FMO5: variants seen among roughly 807,000 people sequenced by gnomAD.
FMO5 encodes flavin containing dimethylaniline monoxygenase 5, also known as flavin-containing monooxygenase 5.
FMO5 carries 51 observed loss-of-function variants against 43.6 expected under a neutral mutation model. The observed-to-expected ratio is 1.17, with a 90% CI of 0.93 to 1.48. FMO5 has a LOEUF of 1.48. Ranked by LOEUF, FMO5 falls within the 40% of genes most tolerant of loss-of-function variation. The pLI is 0.00. For missense variants in FMO5, 644 were observed against 643.0 expected (o/e 1.00, Z -0.02); for synonymous variants, 187 against 216.5 (o/e 0.86, Z 1.20).
At chr1:147,225,752 G>A (rs1435446201), upstream of FMO5, 1 of 152,226 alleles carries the variant, frequency 6.6e-6, no homozygotes, top group Non-Finnish European at 1.5e-5. Context: ...TGTTCAAACA[G>A]ATTGTAGCAG....
intron 5 of FMO5, 123 bp from the exon 6 acceptor site, chr1:147,209,174 C>G: frequency 2.9e-6 from 2 of 685,110 alleles, no homozygotes; most frequent in South Asian, 3.7e-5. Context: ...AATCCCAGCA[C>G]TTTGGGAGGC....
chr1:147,220,377 G>T (rs1360055126), intron 2 of FMO5, among the ~76,000 whole-genome samples: 1 of 152,130 alleles, frequency 6.6e-6, no homozygotes, highest in East Asian at 1.9e-4. Flanking sequence ...TTTCCAACTT[G>T]ACCTATAGAT....
chr1:147,191,850 G>C (rs1419432813), intron 7 of FMO5, among the ~76,000 whole-genome samples: 3 of 152,014 alleles, frequency 2.0e-5, no homozygotes, highest in African/African-American at 7.3e-5. Flanking sequence ...TGAGGGCTCT[G>C]TCCTGTTCCA....
chr1:147,190,273 A>C (rs2101710508), intron 7 of FMO5, 24 bp from the exon 8 acceptor site: 1 of 1,424,724 alleles, frequency 7.0e-7, no homozygotes, highest in East Asian at 2.3e-5. Context: ...TTAACATTTT[A>C]ACTGTAAAAT....
At chr1:147,221,768 C>T (rs587626470) in intron 2 of FMO5, among the ~76,000 whole-genome samples, 1 of 152,244 alleles carries the variant, frequency 6.6e-6, no homozygotes, top group South Asian at 2.1e-4. Flanking sequence ...TGAGGTACTC[C>T]TATATTTCAA....
At chr1:147,201,886 G>A (rs115062936) in intron 6 of FMO5, among the ~76,000 whole-genome samples, 278 of 152,306 alleles carry the variant, frequency 1.8e-3, no homozygotes, top group African/African-American at 5.8e-3. Context: ...CTCATTTCCA[G>A]TTTCAAAGGC....
intron 4 of FMO5, 76 bp downstream of exon 4, chr1:147,213,232 A>G (rs587721179): frequency 1.6e-6 from 2 of 1,229,612 alleles, no homozygotes; most frequent in East Asian, 5.1e-5. Flanking sequence ...AATTACTCAG[A>G]CCACAATCCT....
At position 147,206,524 on chromosome 1, in the gene FMO5, C is replaced by A. The variant is rs1660078216; in HGVS notation, c.830+2328G>T. ...ACTTGGAACCAACCCAAATGTCCAA[C>A]AATGATAGACTGGATTAAGAAAATG... On this transcript the variant is annotated intron_variant, in intron 6 of 8. Coordinates refer to ENST00000254090, the MANE Select transcript of FMO5 (RefSeq NM_001461.4). 2.0e-5 allele frequency among the ~76,000 whole-genome samples: 3 copies of A among 152,104 alleles called. No homozygotes were observed. The South Asian group carries it at 6.2e-4, about 32-fold the overall frequency.
At chr1:147,202,167 C>CT (rs1221837361) in intron 6 of FMO5, among the ~76,000 whole-genome samples, 1 of 151,718 alleles carries the variant, frequency 6.6e-6, no homozygotes, top group South Asian at 2.1e-4. Flanking sequence ...ATACTTCGGG[C>CT]TTGTTATTGT....
At chr1:147,203,452 G>A (rs880003266) in intron 6 of FMO5, 19 of 833,610 alleles carry the variant, frequency 2.3e-5, no homozygotes, top group African/African-American at 6.6e-5. Context: ...CAACATGTCC[G>A]TTACAGCAGG....
At position 147,187,159 on chromosome 1, in the gene FMO5, T is replaced by C. The variant is rs782306324; in HGVS notation, c.1343A>G (p.Asn448Ser). 3.7e-6 allele frequency: 6 copies of C among 1,614,000 alleles called. No individual in the cohort carries two copies. The highest frequency in any genetic ancestry group is 3.3e-5 in the South Asian group (3 of 91,088). The change falls in exon 9 of 9, where the codon AAT (asparagine) becomes AGT (serine). Residue 448 changes from asparagine to serine, a missense_variant. Transcript: ENST00000254090. ...GTCAGTGAAGGCCAGAGACAGCAGA[T>C]TGGGCCTGACCCCCACCAAATCAGC... is the stretch of plus-strand genomic sequence containing the variant. ...ELADLVGVRP[N>S]LLSLAFTDPK...
chr1:147,216,342 A>C (rs1553925075), intron 2 of FMO5, among the ~76,000 whole-genome samples: 2 of 152,208 alleles, frequency 1.3e-5, no homozygotes, highest in African/African-American at 2.4e-5. Flanking sequence ...GCCAGTCCCC[A>C]AAAATTCTAC....
chr1:147,226,107 C>CTTTT (rs3028896), upstream of FMO5, among the ~76,000 whole-genome samples: 225 of 147,868 alleles, frequency 1.5e-3, no homozygotes, highest in Middle Eastern at 3.6e-3. Flanking sequence ...ATTTATCTTA[C>CTTTT]TTTTTTTTTT....
intron 6 of FMO5, chr1:147,203,826 C>T (rs1659485233): frequency 6.4e-7 from 1 of 1,560,228 alleles, no homozygotes; most frequent in African/African-American, 1.4e-5. Flanking sequence ...GAAATGATGC[C>T]ATCTTCCTTT....
At chr1:147,198,828 G>C (rs1463869921) in intron 7 of FMO5, among the ~76,000 whole-genome samples, 3 of 139,358 alleles carry the variant, frequency 2.2e-5, no homozygotes, top group Non-Finnish European at 4.5e-5. Context: ...TCCAGCCTGG[G>C]CGACAGAGCG....
intron 6 of FMO5, among the ~76,000 whole-genome samples, chr1:147,202,000 C>G (rs1659055907): frequency 1.3e-5 from 2 of 152,156 alleles, no homozygotes; most frequent in South Asian, 4.1e-4. Flanking sequence ...TAACTTGACT[C>G]TCACAAAACT....
chr1:147,185,468 A>G (rs1434847298), downstream of FMO5, among the ~76,000 whole-genome samples: 1 of 152,200 alleles, frequency 6.6e-6, no homozygotes, highest in African/African-American at 2.4e-5. Context: ...TAGGGAAAGC[A>G]AAAGACCTGA....
intron 7 of FMO5, among the ~76,000 whole-genome samples, chr1:147,197,212 C>T (rs1658160976): frequency 6.6e-6 from 1 of 152,170 alleles, no homozygotes; most frequent in Non-Finnish European, 1.5e-5. Flanking sequence ...TTTGCATAAA[C>T]AGTAGTGATT....
At chr1:147,203,657 T>C in intron 6 of FMO5, 3 of 1,410,414 alleles carry the variant, frequency 2.1e-6, no homozygotes, top group Admixed American at 3.4e-5. Context: ...TGTCTCTCCA[T>C]ATGATGTGAT....
Sources: gnomAD v4.1 joint callset for allele counts (sites outside exome capture counted in the v4.1 genomes callset) on GRCh38, gnomAD v4.1.1 for gene constraint, MANE v1.5 for transcripts, NCBI Gene and HGNC (gene_info 2026-07-23, HGNC 2026-07-21) for gene names.